ALG14: variants seen among roughly 807,000 people sequenced by gnomAD.
The protein encoded by ALG14 is UDP-N-acetylglucosamine transferase subunit ALG14.
A neutral mutation model predicts 22.8 loss-of-function variants in ALG14; 17 were observed. The ratio of observed to expected loss-of-function variants is 0.75; its 90% CI spans 0.51 to 1.12. The LOEUF (loss-of-function observed/expected upper bound fraction) is 1.12. Ranked by LOEUF, ALG14 falls within the 50% of genes most tolerant of loss-of-function variation. The probability of loss-of-function intolerance (pLI) is 0.00; values close to 1 mark genes in which losing one functional copy is unlikely to be tolerated. For synonymous variants in ALG14, 89 were observed against 103.7 expected (o/e 0.86, Z 0.86); for missense variants, 288 against 271.8 (o/e 1.06, Z -0.42).
chr1:94,987,640 G>A lies in ALG14; in HGVS notation c.421-4334C>T, dbSNP rs577390305. ...TTGGCTGAAACATAACATTCTGCAT[G>A]TATGAAAAGACATATTTTCAGGAAA... On this transcript the variant is annotated intron_variant, in intron 3 of 3. Coordinates refer to ENST00000370205, the MANE Select transcript of ALG14 (RefSeq NM_144988.4). Among the ~76,000 whole-genome samples the A allele has an allele frequency of 3.9e-5, 6 of 152,252 alleles. No homozygotes were observed. The South Asian group carries it at 1.2e-3, about 32-fold the overall frequency.
At chr1:94,998,735 T>C (rs1672972256) in intron 3 of ALG14, among the ~76,000 whole-genome samples, 1 of 152,198 alleles carries the variant, frequency 6.6e-6, no homozygotes, top group Non-Finnish European at 1.5e-5. Context: ...GCCTCAGTTT[T>C]CTTATTCACA....
At chr1:94,984,534 C>T (rs549792291) in intron 3 of ALG14, among the ~76,000 whole-genome samples, 65 of 152,314 alleles carry the variant, frequency 4.3e-4, no homozygotes, top group South Asian at 3.7e-3. Context: ...TTAGATGAGA[C>T]CAATCTTCCT....
intron 2 of ALG14, among the ~76,000 whole-genome samples, chr1:95,038,681 C>CA (rs34228707): frequency 0.22 from 20,311 of 94,462 alleles, 2,107 homozygotes; most frequent in East Asian, 0.57. Context: ...AACTTCACCT[C>CA]AAAAAAAAAA....
intron 2 of ALG14, among the ~76,000 whole-genome samples, chr1:95,054,997 T>C (rs1340467094): frequency 6.6e-6 from 1 of 152,216 alleles, no homozygotes; most frequent in Non-Finnish European, 1.5e-5. Flanking sequence ...AATTCAAGAA[T>C]AGTTCATACC....
intron 3 of ALG14, among the ~76,000 whole-genome samples, chr1:95,013,353 T>G (rs1035600811): frequency 6.6e-6 from 1 of 151,850 alleles, no homozygotes; most frequent in South Asian, 2.1e-4. Flanking sequence ...TTTTTTTTTT[T>G]GAGACAAGAG....
intron 2 of ALG14, chr1:95,035,899 G>A (rs1262487449): frequency 6.6e-6 from 1 of 152,174 alleles, no homozygotes; most frequent in Non-Finnish European, 1.5e-5. Flanking sequence ...ACAAGACAAA[G>A]TTAAAATGGT....
chr1:95,046,577 G>A (rs990580964), intron 2 of ALG14, among the ~76,000 whole-genome samples: 61 of 152,338 alleles, frequency 4.0e-4, no homozygotes, highest in African/African-American at 1.4e-3. Flanking sequence ...ATGCTAGAGT[G>A]GGCAAGGGTT....
At chr1:95,027,607 G>T (rs1673861034) in intron 2 of ALG14, among the ~76,000 whole-genome samples, 1 of 152,136 alleles carries the variant, frequency 6.6e-6, no homozygotes, top group African/African-American at 2.4e-5. Flanking sequence ...GTATCAAGAT[G>T]GGCAAAGACA....
intron 2 of ALG14, among the ~76,000 whole-genome samples, chr1:95,050,471 C>T (rs1571655584): frequency 6.6e-6 from 1 of 152,134 alleles, no homozygotes; most frequent in Admixed American, 6.5e-5. Flanking sequence ...GACTTTGGTT[C>T]TGATAGAATA....
intron 1 of ALG14, among the ~76,000 whole-genome samples, chr1:95,066,813 C>T (rs1472358772): frequency 6.6e-6 from 1 of 151,804 alleles, no homozygotes; most frequent in Non-Finnish European, 1.5e-5. Context: ...GCAGGAGAAT[C>T]ACCTGAGACT....
intron 1 of ALG14, among the ~76,000 whole-genome samples, chr1:95,065,888 A>G (rs1675342573): frequency 6.6e-6 from 1 of 152,232 alleles, no homozygotes; most frequent in Non-Finnish European, 1.5e-5. Flanking sequence ...GTTCATTGAG[A>G]CAATGAAAAC....
At chr1:95,055,301 T>C (rs59130528) in intron 2 of ALG14, among the ~76,000 whole-genome samples, 7,020 of 152,324 alleles carry the variant, frequency 0.046, 218 homozygotes, top group South Asian at 0.087. Context: ...AGATTCATAG[T>C]AAATTATCAG....
chr1:95,026,562 T>G (rs1025134155), intron 3 of ALG14, among the ~76,000 whole-genome samples: 23 of 151,966 alleles, frequency 1.5e-4, no homozygotes, highest in African/African-American at 5.1e-4. Flanking sequence ...AACACATACA[T>G]TTATTAAGTT....
At chr1:95,022,480 C>T in intron 3 of ALG14, 2 of 457,148 alleles carry the variant, frequency 4.4e-6, no homozygotes, top group Non-Finnish European at 5.8e-6. Flanking sequence ...AATGCACGTA[C>T]AGTGCAGGGC....
At chr1:95,023,275 C>T (rs949714730) in intron 3 of ALG14, among the ~76,000 whole-genome samples, 1 of 152,148 alleles carries the variant, frequency 6.6e-6, no homozygotes. Flanking sequence ...AGGCACCCAC[C>T]ATCATGCTTG....
At chr1:94,983,604 G>C (rs971431963) in intron 3 of ALG14, 6 of 343,132 alleles carry the variant, frequency 1.7e-5, no homozygotes, top group African/African-American at 1.3e-4. Context: ...GGACAGGCAT[G>C]TGTTGCTCTT....
At chr1:94,992,614 G>A (rs1672803425) in intron 3 of ALG14, among the ~76,000 whole-genome samples, 3 of 152,112 alleles carry the variant, frequency 2.0e-5, no homozygotes, top group South Asian at 4.1e-4. Context: ...GTTATACCAG[G>A]GTGAAACTGT....
At chr1:95,000,240 A>G (rs1673026326) in intron 3 of ALG14, among the ~76,000 whole-genome samples, 1 of 152,152 alleles carries the variant, frequency 6.6e-6, no homozygotes, top group African/African-American at 2.4e-5. Context: ...TGAGGAATCA[A>G]GAAATATATT....
chr1:95,011,489 G>C lies in ALG14; in HGVS notation c.420+15640C>G, dbSNP rs538256497. Reference sequence around the variant, plus strand: ...CGCCCAGGCTGGAGTATAGTGGTGTGATCTCAGCTCACTGCAAGCTCCACC... The same window carrying C: ...CGCCCAGGCTGGAGTATAGTGGTGTCATCTCAGCTCACTGCAAGCTCCACC... On this transcript the variant is annotated intron_variant, in intron 3 of 3. Transcript: ENST00000370205. Among the ~76,000 whole-genome samples the C allele has an allele frequency of 6.6e-5, 10 of 151,278 alleles. No individual in the cohort carries two copies. The South Asian group carries it at 2.1e-3, about 32-fold the overall frequency.
Sources: allele counts gnomAD v4.1 joint callset (sites outside exome capture counted in the v4.1 genomes callset), GRCh38; gene constraint gnomAD v4.1.1; transcripts MANE v1.5; gene names NCBI Gene and HGNC (gene_info 2026-07-23, HGNC 2026-07-21).